Variants in SGCD observed in about 807,000 individuals in gnomAD.
The protein encoded by SGCD is sarcoglycan delta, also known as delta-sarcoglycan.
In SGCD, 18 loss-of-function variants were observed where a neutral mutation model predicts 36.6. That is an observed-to-expected ratio of 0.49 (90% CI 0.34 to 0.73). The LOEUF (loss-of-function observed/expected upper bound fraction) is 0.73, where lower values mean the gene tolerates loss of function less well. Among genes scored for constraint, SGCD ranks in the 30% least tolerant of loss-of-function variants. The probability of loss-of-function intolerance (pLI) is 0.01; values close to 1 mark genes in which losing one functional copy is unlikely to be tolerated. For missense variants in SGCD, 387 were observed against 346.7 expected, an observed-to-expected ratio of 1.12 and a Z score of -0.92; for synonymous variants, 133 against 130.6, an observed-to-expected ratio of 1.02 and a Z score of -0.12.
intron 3 of SGCD, among the ~76,000 whole-genome samples, chr5:156,282,603 A>G (rs545030080): frequency 9.2e-5 from 14 of 152,358 alleles, no homozygotes; most frequent in African/African-American, 2.6e-4. Flanking sequence ...TGGCTCAACC[A>G]GTTGTAATAT....
Position 156,759,571 on chromosome 5 carries a change from T to G in SGCD, c.*181T>G, listed in dbSNP as rs959316465. 1 of 180,342 alleles carries G rather than the reference T, an allele frequency of 5.5e-6. No individual in the cohort carries two copies. The highest frequency in any genetic ancestry group is 6.2e-5 in the Admixed American group (1 of 16,052). 11.2% of individuals were successfully genotyped at this position (180,342 alleles called of 1,614,324 possible). A position where few individuals can be genotyped will look rare whatever the true frequency, so the allele number is the denominator to read the frequency against. ...GGGTGGATATAAATATATATAAATA[T>G]ATATAAATAAATATATATATCCTCT... On this transcript the variant is annotated 3_prime_UTR_variant, in exon 9 of 9. Coordinates refer to ENST00000337851, the MANE Select transcript of SGCD (RefSeq NM_000337.6).
intron 3 of SGCD, among the ~76,000 whole-genome samples, chr5:156,257,149 C>G (rs971420169): frequency 2.1e-5 from 3 of 145,226 alleles, no homozygotes; most frequent in Non-Finnish European, 3.0e-5. Flanking sequence ...GTACTCCAGC[C>G]TGGACCCTGT....
intron 1 of SGCD, among the ~76,000 whole-genome samples, chr5:156,003,938 C>T (rs1758710849): frequency 1.3e-5 from 2 of 152,142 alleles, no homozygotes; most frequent in African/African-American, 2.4e-5. Context: ...CTCCATTAGT[C>T]ACTATATCAG....
intron 1 of SGCD, among the ~76,000 whole-genome samples, chr5:156,110,973 G>A (rs1419401803): frequency 2.6e-5 from 4 of 152,084 alleles, no homozygotes; most frequent in African/African-American, 9.7e-5. Context: ...AAGAATGAGA[G>A]AGACAATATT....
intron 3 of SGCD, among the ~76,000 whole-genome samples, chr5:156,296,884 C>T (rs1047499963): frequency 1.3e-5 from 2 of 151,964 alleles, no homozygotes; most frequent in Non-Finnish European, 2.9e-5. Context: ...TCAATTTTTG[C>T]TTCATATGTA....
At chr5:156,300,823 G>T (rs568330577) in intron 3 of SGCD, among the ~76,000 whole-genome samples, 1 of 151,998 alleles carries the variant, frequency 6.6e-6, no homozygotes, top group East Asian at 1.9e-4. Context: ...ATTTTCAATT[G>T]TTAAATCCTG....
At chr5:156,165,568 G>T (rs1241539645) in intron 3 of SGCD, among the ~76,000 whole-genome samples, 2 of 152,130 alleles carry the variant, frequency 1.3e-5, no homozygotes, top group East Asian at 3.9e-4. Context: ...ACTATATACT[G>T]CTTAGAAATC....
At chr5:155,769,312 C>T in the SGCD span, among the ~76,000 whole-genome samples, 1 of 150,388 alleles carries the variant, frequency 6.6e-6, no homozygotes, top group South Asian at 2.1e-4. Context: ...GGAAATTTCA[C>T]ATTCTTATTT....
At chr5:156,538,806 A>G (rs1034058621) in intron 4 of SGCD, among the ~76,000 whole-genome samples, 27 of 152,046 alleles carry the variant, frequency 1.8e-4, no homozygotes, top group African/African-American at 6.5e-4. Flanking sequence ...ATCTTGCCCT[A>G]CCTCAATATT....
chr5:156,292,348 C>T (rs1030903646), intron 3 of SGCD, among the ~76,000 whole-genome samples: 27 of 152,052 alleles, frequency 1.8e-4, no homozygotes, highest in African/African-American at 4.3e-4. Flanking sequence ...CTAAGTACCA[C>T]GAACAAGTGG....
the SGCD span, among the ~76,000 whole-genome samples, chr5:155,740,149 A>G: frequency 6.6e-6 from 1 of 152,316 alleles, no homozygotes; most frequent in South Asian, 2.1e-4. Flanking sequence ...CTCAGGGTGG[A>G]GTGCACTGGC....
At chr5:155,956,023 C>A (rs1424377980) in intron 1 of SGCD, among the ~76,000 whole-genome samples, 2 of 151,886 alleles carry the variant, frequency 1.3e-5, no homozygotes, top group African/African-American at 4.8e-5. Flanking sequence ...GTGGAGGAGG[C>A]AGACATTGAA....
chr5:155,752,780 A>G, the SGCD span, among the ~76,000 whole-genome samples: 1 of 152,194 alleles, frequency 6.6e-6, no homozygotes, highest in African/African-American at 2.4e-5. Context: ...TGGATAAATT[A>G]ACTTTTGAAT....
At chr5:156,750,809 T>G (rs1355433920) in intron 7 of SGCD, among the ~76,000 whole-genome samples, 1 of 152,178 alleles carries the variant, frequency 6.6e-6, no homozygotes, top group Non-Finnish European at 1.5e-5. Flanking sequence ...ATATCTATAT[T>G]TCAGGAAAAT....
intron 1 of SGCD, among the ~76,000 whole-genome samples, chr5:155,924,766 ATTTG>A (rs1324267735): frequency 5.9e-5 from 9 of 152,130 alleles, no homozygotes; most frequent in African/African-American, 2.2e-4. Flanking sequence ...AATTTTCATT[ATTTG>A]TTCATTAGTA....
At position 156,052,437 on chromosome 5, in the gene SGCD, G is replaced by T. The variant is rs1759943340; in HGVS notation, c.-281-65441G>T. ...AACTTCATGCTAAGTGTGATGAAAG[G>T]AAGCCTAGGGGCTTGGAGGACTAAG... On this transcript the variant is annotated intron_variant, in intron 1 of 9. Coordinates refer to the SGCD transcript ENST00000517913. 1.4e-5 allele frequency among the ~76,000 whole-genome samples: 2 copies of T among 146,522 alleles called. 1 individual carries two copies. The highest frequency in any genetic ancestry group is 4.3e-4 in the South Asian group (2 of 4,656).
intron 3 of SGCD, among the ~76,000 whole-genome samples, chr5:156,299,032 A>G (rs1332157052): frequency 6.6e-6 from 1 of 152,028 alleles, no homozygotes; most frequent in Non-Finnish European, 1.5e-5. Flanking sequence ...TGTCCTGGAG[A>G]TTTTCTCCAA....
rs187892553 is a variant in SGCD, at chr5:156,041,047, G to T, written c.-281-76831G>T. On this transcript the variant is annotated intron_variant, in intron 1 of 9. Coordinates refer to the SGCD transcript ENST00000517913. ...ATGTTCTGTGTTTCCTTCTGAAGTA[G>T]ATTTGAAATAGTGTTTTTTTCCAGT... Among the ~76,000 whole-genome samples, 90 of 152,318 alleles carry T rather than the reference G, an allele frequency of 5.9e-4. 1 individual carries two copies. Among genetic ancestry groups the T allele is most frequent in the African/African-American group, 2.1e-3 (87 of 41,580 alleles).
intron 1 of SGCD, among the ~76,000 whole-genome samples, chr5:155,995,677 A>G (rs1309075676): frequency 6.6e-6 from 1 of 152,202 alleles, no homozygotes; most frequent in African/African-American, 2.4e-5. Context: ...TCCTAATACT[A>G]CTCAGCAATA....
Sources: allele counts gnomAD v4.1 joint callset (sites outside exome capture counted in the v4.1 genomes callset), GRCh38; gene constraint gnomAD v4.1.1; transcripts MANE v1.5; gene names NCBI Gene and HGNC (gene_info 2026-07-23, HGNC 2026-07-21).